The following ABHD2 variants were observed in gnomAD, a reference collection of about 807,000 sequenced individuals.
The protein encoded by ABHD2 is monoacylglycerol lipase ABHD2.
Under a neutral mutation model 48.1 loss-of-function variants are expected in ABHD2, and 20 were observed. The observed-to-expected ratio is 0.42, with a 90% confidence interval of 0.29 to 0.60. The LOEUF is 0.60. Ranked by LOEUF, ABHD2 falls within the 20% of genes least tolerant of loss-of-function variation. The pLI, the probability that ABHD2 is intolerant of heterozygous loss-of-function variation, is 0.24. For missense variants in ABHD2, 405 were observed against 550.9 expected, an observed-to-expected ratio of 0.74 and a Z score of 2.65; for synonymous variants, 209 against 214.2, an observed-to-expected ratio of 0.98 and a Z score of 0.21.
At position 89,100,713 on chromosome 15, in the gene ABHD2, C is replaced by A. The variant is rs191250836; in HGVS notation, c.-107+12150C>A. On this transcript the variant is annotated intron_variant, in intron 1 of 10. Transcript: ENST00000352732. The surrounding 1 kb of genome is among the most constrained non-coding windows in gnomAD (Gnocchi z 4.4). ...TGAAACCCTGTCTCTACTAAAAATA[C>A]AAAAAATTAGCCAGGTGTGGTGGCG... 7.6e-4 allele frequency among the ~76,000 whole-genome samples: 116 copies of A among 152,002 alleles called. No individual in the cohort carries two copies. Among genetic ancestry groups the A allele is most frequent in the African/African-American group, 2.6e-3 (107 of 41,472 alleles).
the ABHD2 span, among the ~76,000 whole-genome samples, chr15:89,054,694 GAA>G: frequency 6.9e-6 from 1 of 144,184 alleles, no homozygotes; most frequent in African/African-American, 2.6e-5. Context: ...AAAGAAAAAA[GAA>G]AAAAAAAAGA....
Position 89,146,391 on chromosome 15 carries a change from T to C in ABHD2, c.195-5286T>C, listed in dbSNP as rs2050492070. On this transcript the variant is annotated intron_variant, in intron 3 of 10. Coordinates refer to ENST00000352732, the MANE Select transcript of ABHD2 (RefSeq NM_152924.5). The surrounding 1 kb of genome is among the most constrained non-coding windows in gnomAD (Gnocchi z 4.2). ...GTGTGTGTGTGTGTGTGTGTGTGTG[T>C]GTGTGTGTACGTATGTATATGGGGG... Among the ~76,000 whole-genome samples the C allele has an allele frequency of 6.7e-6, 1 of 150,220 alleles. No individual in the cohort carries two copies. The highest frequency in any genetic ancestry group is 2.5e-5 in the African/African-American group (1 of 40,542).
chr15:89,068,754 C>CTTTTTTTTTTTTTTTTTTTTTTTT, the ABHD2 span, among the ~76,000 whole-genome samples: 1 of 71,354 alleles, frequency 1.4e-5, no homozygotes, highest in African/African-American at 5.7e-5. Context: ...CAAGCTTCCT[C>CTTTTTTTTTTTTTTTTTTTTTTTT]TTTTTTTTTT....
At chr15:89,193,512 C>T (rs1449441087) in intron 10 of ABHD2, 193 bp downstream of exon 10, 3 of 603,226 alleles carry the variant, frequency 5.0e-6, no homozygotes, top group East Asian at 2.8e-5. Context: ...AGGCCTCCCT[C>T]GTGTTCCTCC....
chr15:89,056,908 C>CTTTTT, the ABHD2 span, among the ~76,000 whole-genome samples: 8 of 87,444 alleles, frequency 9.1e-5, no homozygotes, highest in Admixed American at 1.5e-4. Flanking sequence ...TAAGTGATAC[C>CTTTTT]TTTTTTTTTT....
At chr15:89,101,082 T>G (rs76461289) in intron 1 of ABHD2, among the ~76,000 whole-genome samples, 6,300 of 152,250 alleles carry the variant, frequency 0.041, 395 homozygotes, top group African/African-American at 0.14. Flanking sequence ...ATGTCAACAA[T>G]CAATGGGTAG....
intron 3 of ABHD2, among the ~76,000 whole-genome samples, chr15:89,131,362 G>T (rs964875568): frequency 1.3e-5 from 2 of 152,316 alleles, no homozygotes; most frequent in African/African-American, 4.8e-5. Context: ...TTATTTGAGA[G>T]AACATAATCA....
chr15:89,045,022 G>T, the ABHD2 span, among the ~76,000 whole-genome samples: 1 of 152,044 alleles, frequency 6.6e-6, no homozygotes, highest in Non-Finnish European at 1.5e-5. Flanking sequence ...TTCTTCTAGG[G>T]TTTTTATGGT....
chr15:89,060,217 A>G, the ABHD2 span, among the ~76,000 whole-genome samples: 3 of 150,764 alleles, frequency 2.0e-5, no homozygotes, highest in African/African-American at 4.9e-5. Flanking sequence ...CAGCCTCCCA[A>G]GTAGCTCAGA....
intron 3 of ABHD2, among the ~76,000 whole-genome samples, chr15:89,141,043 A>C (rs1306478918): frequency 6.6e-6 from 1 of 151,482 alleles, no homozygotes; most frequent in Non-Finnish European, 1.5e-5. Flanking sequence ...ATCATAACTC[A>C]CTGCAGCCTT....
At position 89,104,574 on chromosome 15, in the gene ABHD2, C is replaced by T. The variant is rs537873824; in HGVS notation, c.-106-9151C>T. The stretch of plus-strand genomic sequence containing the variant: ...GTCGGCGTTGGGAAACCAGAACGCT[C>T]AGGAACGGTGAGTCCCAGTTATTTT... On this transcript the variant is annotated intron_variant, in intron 1 of 10. Coordinates refer to ENST00000352732, the MANE Select transcript of ABHD2 (RefSeq NM_152924.5). This position sits in a 1 kb window ranked among gnomAD's most constrained non-coding sequence, Gnocchi z 4.4. Among the ~76,000 whole-genome samples the T allele has an allele frequency of 3.3e-5, 5 of 152,342 alleles. No individual in the cohort carries two copies. The highest frequency in any genetic ancestry group is 3.9e-4 in the East Asian group (2 of 5,178).
chr15:89,163,479 T>C (rs1041384682), intron 5 of ABHD2, among the ~76,000 whole-genome samples: 3 of 152,220 alleles, frequency 2.0e-5, no homozygotes, highest in African/African-American at 7.2e-5. Flanking sequence ...CCTTACTGCC[T>C]CAGAGGTAGG....
At chr15:89,153,123 C>T (rs1330905108) in intron 4 of ABHD2, among the ~76,000 whole-genome samples, 1 of 152,178 alleles carries the variant, frequency 6.6e-6, no homozygotes, top group Admixed American at 6.5e-5. Flanking sequence ...TCATTCAGGT[C>T]TCAGCTCAGA....
the ABHD2 span, among the ~76,000 whole-genome samples, chr15:89,074,971 C>G: frequency 1.3e-5 from 2 of 152,310 alleles, no homozygotes; most frequent in East Asian, 1.9e-4. Flanking sequence ...GAAAAAGCCT[C>G]ATTCCCTTCA....
chr15:89,051,540 C>A, the ABHD2 span, among the ~76,000 whole-genome samples: 2 of 152,136 alleles, frequency 1.3e-5, no homozygotes, highest in Admixed American at 1.3e-4. Flanking sequence ...GCTGTGCCCC[C>A]ACCCAAATCT....
intron 1 of ABHD2, among the ~76,000 whole-genome samples, chr15:89,093,376 C>T (rs1901679018): frequency 6.6e-6 from 1 of 151,962 alleles, no homozygotes; most frequent in Non-Finnish European, 1.5e-5. Context: ...GACAGGGTTT[C>T]ACTATGCTGG....
intron 3 of ABHD2, among the ~76,000 whole-genome samples, chr15:89,119,910 C>T (rs962766084): frequency 6.6e-6 from 1 of 152,088 alleles, no homozygotes; most frequent in Non-Finnish European, 1.5e-5. Flanking sequence ...AGATTTTTTT[C>T]CTACAAGGAA....
At chr15:89,135,695 A>G in intron 3 of ABHD2, 4 of 1,464,594 alleles carry the variant, frequency 2.7e-6, no homozygotes, top group South Asian at 1.1e-5. Context: ...ATATGCAGCA[A>G]TATCCTTTTC....
chr15:89,099,283 G>A (rs79654805), intron 1 of ABHD2, among the ~76,000 whole-genome samples: 3,227 of 152,264 alleles, frequency 0.021, 108 homozygotes, highest in African/African-American at 0.072. Context: ...TTATCATCCA[G>A]CTTTGTTCCT....
Sources: gnomAD v4.1 joint callset for allele counts (sites outside exome capture counted in the v4.1 genomes callset) on GRCh38, gnomAD v4.1.1 for gene constraint, Gnocchi (gnomAD v3.1) non-coding constraint, MANE v1.5 for transcripts, NCBI Gene and HGNC (gene_info 2026-07-23, HGNC 2026-07-21) for gene names.